TMEFF2: variants seen among roughly 807,000 people sequenced by gnomAD.
TMEFF2 encodes transmembrane protein with EGF like and two follistatin like domains 2.
TMEFF2 carries 28 observed loss-of-function variants against 53.8 expected under a neutral mutation model. The ratio of observed to expected loss-of-function variants is 0.52; its 90% confidence interval spans 0.39 to 0.71. TMEFF2 has a LOEUF of 0.71. Ranked by LOEUF, TMEFF2 falls within the 30% of genes least tolerant of loss-of-function variation. The pLI is 0.00. For missense variants in TMEFF2, 353 were observed against 455.2 expected, an observed-to-expected ratio of 0.78 and a Z score of 2.04; for synonymous variants, 162 against 166.3, an observed-to-expected ratio of 0.97 and a Z score of 0.20.
chr2:192,138,023 T>G (rs1463205462), intron 4 of TMEFF2, among the ~76,000 whole-genome samples: 2 of 152,102 alleles, frequency 1.3e-5, no homozygotes, highest in African/African-American at 4.8e-5. Flanking sequence ...TTCAGCATAT[T>G]GGCCAGGCTG....
chr2:191,951,935 T>C (rs1325557113), intron 9 of TMEFF2, among the ~76,000 whole-genome samples: 1 of 152,222 alleles, frequency 6.6e-6, no homozygotes, highest in African/African-American at 2.4e-5. Context: ...TACTCTAATT[T>C]GGAGCTCAGT....
At chr2:191,975,024 C>T (rs923625846) in intron 7 of TMEFF2, among the ~76,000 whole-genome samples, 10 of 151,546 alleles carry the variant, frequency 6.6e-5, no homozygotes, top group Non-Finnish European at 1.2e-4. Flanking sequence ...AAATTTTCCA[C>T]AACAGTGTAA....
At chr2:191,964,992 T>C (rs529854118) in intron 7 of TMEFF2, among the ~76,000 whole-genome samples, 223 of 152,210 alleles carry the variant, frequency 1.5e-3, no homozygotes, top group African/African-American at 5.1e-3. Flanking sequence ...TCCAACTGAT[T>C]CCTTAAATGT....
Position 192,024,553 on chromosome 2 carries a change from A to G in TMEFF2, c.537-25345T>C, listed in dbSNP as rs73982320. Among the ~76,000 whole-genome samples, 260 of 152,288 alleles carry G rather than the reference A, an allele frequency of 1.7e-3. 1 individual carries two copies. The highest frequency in any genetic ancestry group is 5.9e-3 in the African/African-American group (246 of 41,562). On this transcript the variant is annotated intron_variant, in intron 5 of 9. Coordinates refer to ENST00000272771, the MANE Select transcript of TMEFF2 (RefSeq NM_016192.4). ...TTAAAATTTGAGTTAGAATTCACCT[A>G]TTTTAAGTGTGCATAGCAGGCACAT...
intron 7 of TMEFF2, among the ~76,000 whole-genome samples, chr2:191,981,674 G>A (rs1339613306): frequency 1.3e-5 from 2 of 152,142 alleles, no homozygotes; most frequent in Admixed American, 6.6e-5. Flanking sequence ...ATTTGTTTGA[G>A]TAACATGGGT....
At chr2:192,158,625 T>A (rs927185062) in intron 4 of TMEFF2, among the ~76,000 whole-genome samples, 3 of 152,098 alleles carry the variant, frequency 2.0e-5, no homozygotes, top group Middle Eastern at 3.2e-3. Flanking sequence ...CCACTCTAGT[T>A]CCCTTACATT....
chr2:192,188,522 C>T (rs1691373036), intron 2 of TMEFF2, among the ~76,000 whole-genome samples: 1 of 152,042 alleles, frequency 6.6e-6, no homozygotes, highest in Non-Finnish European at 1.5e-5. Context: ...CGATTAAGCC[C>T]TACCAAAATG....
At chr2:192,125,719 G>A (rs4581840) in intron 4 of TMEFF2, among the ~76,000 whole-genome samples, 151,561 of 152,354 alleles carry the variant, frequency 0.99, 75,391 homozygotes, top group Middle Eastern at 1. Flanking sequence ...TGTCTTTTGC[G>A]GGGACATGGA....
chr2:192,132,898 C>A (rs970386711), intron 4 of TMEFF2, among the ~76,000 whole-genome samples: 5 of 152,170 alleles, frequency 3.3e-5, no homozygotes, highest in Non-Finnish European at 7.3e-5. Context: ...ACTGACGCTG[C>A]CTGATCACCT....
chr2:192,128,679 AAT>A (rs1254109424), intron 4 of TMEFF2, among the ~76,000 whole-genome samples: 4 of 152,194 alleles, frequency 2.6e-5, no homozygotes, highest in Non-Finnish European at 4.4e-5. Flanking sequence ...TATCAGGTAT[AAT>A]ATGTTAATCT....
At chr2:192,116,418 GTA>G (rs1386909837) in intron 4 of TMEFF2, among the ~76,000 whole-genome samples, 2 of 151,876 alleles carry the variant, frequency 1.3e-5, no homozygotes, top group Non-Finnish European at 2.9e-5. Flanking sequence ...AGCATCGTGA[GTA>G]TACTTAATAA....
rs911165666 is a variant in TMEFF2, at chr2:191,979,117, C to T, written c.745+19145G>A. 1.1e-4 allele frequency among the ~76,000 whole-genome samples: 16 copies of T among 152,010 alleles called. 1 individual carries two copies. The highest frequency in any genetic ancestry group is 6.6e-4 in the Admixed American group (10 of 15,254). On this transcript the variant is annotated intron_variant, in intron 7 of 9. Transcript: ENST00000272771. ...ACCGGAGAAATGTTCCCAAAGTGAC[C>T]GTCTTGTATATGGGCAATGAAACAA... is the stretch of plus-strand genomic sequence containing the variant.
chr2:192,174,591 T>C (rs922843888), intron 4 of TMEFF2, among the ~76,000 whole-genome samples: 2 of 151,792 alleles, frequency 1.3e-5, no homozygotes, highest in Admixed American at 6.6e-5. Context: ...GAAGTTCAGA[T>C]GGCTATACGC....
chr2:192,026,765 G>C (rs1298496007), intron 5 of TMEFF2, among the ~76,000 whole-genome samples: 1 of 152,200 alleles, frequency 6.6e-6, no homozygotes, highest in African/African-American at 2.4e-5. Context: ...AGAAGTGAAA[G>C]CTTATGCATT....
chr2:192,042,435 A>G (rs1423738063), intron 5 of TMEFF2, among the ~76,000 whole-genome samples: 3 of 152,218 alleles, frequency 2.0e-5, no homozygotes, highest in Admixed American at 6.5e-5. Flanking sequence ...GTATGCCTGT[A>G]CTGAACTCAA....
chr2:192,075,304 T>TATATAAATATATATATATATAAATATAA (rs1255720455), intron 4 of TMEFF2, among the ~76,000 whole-genome samples: 195 of 17,284 alleles, frequency 0.011, 2 homozygotes, highest in Non-Finnish European at 0.034. Context: ...TATATATATA[T>TATATAAATATATATATATATAAATATAA]ATATATATAT....
rs1574444183 is a variant in TMEFF2, at chr2:192,184,599, C to T, written c.283-116G>A. ...CCACTTGTCTTCATTTTCAATGATT[C>T]TAATTGTGTCCAATAAGTCTTTATA... is the stretch of plus-strand genomic sequence containing the variant. On this transcript the variant is annotated intron_variant, in intron 2 of 9. Coordinates refer to ENST00000272771, the MANE Select transcript of TMEFF2 (RefSeq NM_016192.4). The T allele has an allele frequency of 8.3e-6, 11 of 1,322,290 alleles. No individual in the cohort carries two copies. The East Asian group carries it at 2.7e-4, about 33-fold the overall frequency. The allele number at this position is 1,322,290 out of a possible 1,614,324, so 81.9% of individuals were successfully genotyped here.
At chr2:192,003,654 G>A (rs929344056) in intron 5 of TMEFF2, among the ~76,000 whole-genome samples, 1 of 152,120 alleles carries the variant, frequency 6.6e-6, no homozygotes, top group East Asian at 1.9e-4. Context: ...ACTATCTAAA[G>A]CATCAGTTGC....
At chr2:192,123,423 C>T (rs986723883) in intron 4 of TMEFF2, among the ~76,000 whole-genome samples, 1 of 152,070 alleles carries the variant, frequency 6.6e-6, no homozygotes, top group Non-Finnish European at 1.5e-5. Flanking sequence ...AAGTCAATAA[C>T]ACTTAAATCT....
Sources: gnomAD v4.1 joint callset for allele counts (sites outside exome capture counted in the v4.1 genomes callset) on GRCh38, gnomAD v4.1.1 for gene constraint, MANE v1.5 for transcripts, NCBI Gene and HGNC (gene_info 2026-07-23, HGNC 2026-07-21) for gene names.